The following GRK3 variants were observed in gnomAD, a reference collection of about 807,000 sequenced individuals.
The protein encoded by GRK3 is adrenergic, beta, receptor kinase 2.
A neutral mutation model predicts 95.7 loss-of-function variants in GRK3; 54 were observed. That is an observed-to-expected ratio of 0.56 (90% CI 0.45 to 0.71). The LOEUF is 0.71. GRK3 is among the 30% of genes least tolerant of loss of function. The pLI, the probability that GRK3 is intolerant of heterozygous loss-of-function variation, is 0.00. For missense variants in GRK3, 649 were observed against 851.2 expected (o/e 0.76, Z 2.96); for synonymous variants, 281 against 290.8 (o/e 0.97, Z 0.34).
chr22:25,653,657 T>C (rs964340779), intron 3 of GRK3, among the ~76,000 whole-genome samples: 4 of 152,196 alleles, frequency 2.6e-5, no homozygotes, highest in African/African-American at 9.6e-5. Context: ...TTGACCTAAT[T>C]GACATATGTA....
chr22:25,624,948 GC>G (rs1291275931), intron 2 of GRK3, among the ~76,000 whole-genome samples: 2 of 140,404 alleles, frequency 1.4e-5, no homozygotes, highest in East Asian at 4.2e-4. Flanking sequence ...ACGGAGTCTT[GC>G]TCTGTCTCCC....
chr22:25,695,970 A>G (rs929678193), intron 13 of GRK3, among the ~76,000 whole-genome samples: 1 of 151,478 alleles, frequency 6.6e-6, no homozygotes, highest in African/African-American at 2.4e-5. Context: ...CGTAGCTGGG[A>G]CTACAGGCGC....
At chr22:25,689,820 G>A (rs894223073) in intron 11 of GRK3, among the ~76,000 whole-genome samples, 2 of 152,166 alleles carry the variant, frequency 1.3e-5, no homozygotes, top group African/African-American at 4.8e-5. Flanking sequence ...CCAGAAGCTG[G>A]TGGACTCACC....
At chr22:25,658,766 CA>C (rs1476851703) in intron 3 of GRK3, among the ~76,000 whole-genome samples, 2 of 151,974 alleles carry the variant, frequency 1.3e-5, no homozygotes, top group Non-Finnish European at 2.9e-5. Flanking sequence ...GTGGTGGTGG[CA>C]GGGGCGTGGC....
chr22:25,639,175 A>G (rs2084725334), intron 2 of GRK3, among the ~76,000 whole-genome samples: 1 of 152,274 alleles, frequency 6.6e-6, no homozygotes. Flanking sequence ...CTATTTTTTA[A>G]CACTGTCTTT....
chr22:25,599,724 G>T (rs1296695521), intron 1 of GRK3, among the ~76,000 whole-genome samples: 1 of 152,068 alleles, frequency 6.6e-6, no homozygotes, highest in African/African-American at 2.4e-5. Context: ...TGAATAGCCA[G>T]TTCACTACAG....
intron 2 of GRK3, among the ~76,000 whole-genome samples, chr22:25,634,345 G>A (rs1169033736): frequency 6.6e-6 from 1 of 152,170 alleles, no homozygotes; most frequent in African/African-American, 2.4e-5. Flanking sequence ...TATGTGTTGT[G>A]ATGCTGGATG....
At chr22:25,714,945 G>A (rs1012996020) in intron 18 of GRK3, 3 of 158,168 alleles carry the variant, frequency 1.9e-5, no homozygotes, top group Admixed American at 6.5e-5. Context: ...GTCCTCTGTT[G>A]TCATCACCTT....
intron 11 of GRK3, among the ~76,000 whole-genome samples, chr22:25,688,047 T>A (rs181412225): frequency 2.0e-5 from 3 of 152,026 alleles, no homozygotes; most frequent in African/African-American, 7.2e-5. Flanking sequence ...CCATCCTGGC[T>A]AACACAGTGA....
chr22:25,662,665 C>T (rs1383300724), intron 4 of GRK3, among the ~76,000 whole-genome samples: 1 of 152,158 alleles, frequency 6.6e-6, no homozygotes, highest in Non-Finnish European at 1.5e-5. Context: ...ATTTCTGGGC[C>T]TAGGACTAAT....
intron 2 of GRK3, among the ~76,000 whole-genome samples, chr22:25,642,388 G>A (rs774671113): frequency 5.9e-5 from 9 of 152,112 alleles, no homozygotes; most frequent in South Asian, 2.1e-4. Flanking sequence ...AGCCAAGATC[G>A]CGCCATTGCA....
At chr22:25,572,320 G>A (rs1429113028) in intron 1 of GRK3, among the ~76,000 whole-genome samples, 3 of 152,100 alleles carry the variant, frequency 2.0e-5, no homozygotes, top group Non-Finnish European at 2.9e-5. Flanking sequence ...ATAAACATAC[G>A]TGTGCATGTG....
rs1279766070 is a variant in GRK3 at position 25,723,037 on chromosome 22, A to G, written c.*587A>G. ...CCACATGACTGCCCTGCCTCTGACCAGTCTGTTCCGGGGCCCCCTCAGCCA... is the reference window on the plus strand; with the variant it reads ...CCACATGACTGCCCTGCCTCTGACCGGTCTGTTCCGGGGCCCCCTCAGCCA... On this transcript the variant is annotated 3_prime_UTR_variant, in exon 21 of 21. Coordinates refer to ENST00000324198, the MANE Select transcript of GRK3 (RefSeq NM_005160.4). 5 of 152,466 alleles carry G rather than the reference A, an allele frequency of 3.3e-5. No homozygotes were observed. Among genetic ancestry groups the G allele is most frequent in the Non-Finnish European group, 7.3e-5 (5 of 68,250 alleles). 9.4% of individuals were successfully genotyped at this position (152,466 alleles called of 1,614,324 possible).
chr22:25,581,173 T>C (rs1932089065), intron 1 of GRK3: 1 of 152,182 alleles, frequency 6.6e-6, no homozygotes, highest in South Asian at 2.1e-4. Flanking sequence ...AAGTAGCAGA[T>C]TACAATCTTG....
intron 1 of GRK3, among the ~76,000 whole-genome samples, chr22:25,600,199 T>G (rs1038779730): frequency 2.0e-5 from 3 of 151,106 alleles, no homozygotes; most frequent in Admixed American, 2.0e-4. Context: ...CAGGCTGCAG[T>G]GCAGTGGCAT....
intron 1 of GRK3, among the ~76,000 whole-genome samples, chr22:25,568,676 T>G (rs1450160697): frequency 6.6e-6 from 1 of 152,196 alleles, no homozygotes; most frequent in African/African-American, 2.4e-5. Flanking sequence ...ATGGAGCTTA[T>G]AGACTAGTGT....
At chr22:25,652,658 T>C (rs1422156517) in intron 3 of GRK3, among the ~76,000 whole-genome samples, 3 of 152,194 alleles carry the variant, frequency 2.0e-5, no homozygotes, top group Admixed American at 6.5e-5. Flanking sequence ...TTTATTTTAA[T>C]TTCTAAGATA....
At chr22:25,573,560 G>A (rs985946948) in intron 1 of GRK3, among the ~76,000 whole-genome samples, 2 of 152,194 alleles carry the variant, frequency 1.3e-5, no homozygotes, top group Non-Finnish European at 2.9e-5. Context: ...ATTTCAGGAA[G>A]AAAGTGAGCT....
intron 3 of GRK3, chr22:25,648,975 T>C: frequency 1.0e-6 from 1 of 1,003,756 alleles, no homozygotes; most frequent in East Asian, 2.4e-5. Context: ...TGTCTGCTCA[T>C]TTGGAATTCT....
Sources: gnomAD v4.1 joint callset for allele counts (sites outside exome capture counted in the v4.1 genomes callset) on GRCh38, gnomAD v4.1.1 for gene constraint, MANE v1.5 for transcripts, NCBI Gene and HGNC (gene_info 2026-07-23, HGNC 2026-07-21) for gene names.